Variants in ANKRD12 observed in about 807,000 individuals in gnomAD.
The protein encoded by ANKRD12 is ankyrin repeat domain-containing protein 12.
Under a neutral mutation model 183.4 loss-of-function variants are expected in ANKRD12, and 85 were observed. The ratio of observed to expected loss-of-function variants is 0.46; its 90% CI spans 0.39 to 0.56. The LOEUF is 0.56. ANKRD12 is among the 20% of genes least tolerant of loss of function. The pLI is 0.00. For synonymous variants in ANKRD12, 914 were observed against 800.2 expected (o/e 1.14, Z -2.40); for missense variants, 2,405 against 2,357.1 (o/e 1.02, Z -0.42).
At chr18:9,168,362 A>G (rs1347575713) in intron 1 of ANKRD12, among the ~76,000 whole-genome samples, 4 of 151,978 alleles carry the variant, frequency 2.6e-5, no homozygotes, top group Non-Finnish European at 4.4e-5. Flanking sequence ...ACTTTTTTTC[A>G]TTGGTAAGCT....
At chr18:9,250,340 C>T (rs2038216819) in intron 8 of ANKRD12, 1 of 152,120 alleles carries the variant, frequency 6.6e-6, no homozygotes, top group Admixed American at 6.5e-5. Flanking sequence ...TAGTGCTGGT[C>T]ACGTTGTTTA....
intron 11 of ANKRD12, among the ~76,000 whole-genome samples, 154 bp downstream of exon 11, chr18:9,275,821 C>G (rs2039805158): frequency 6.6e-6 from 1 of 152,196 alleles, no homozygotes; most frequent in South Asian, 2.1e-4. Context: ...ACTTCCAGAT[C>G]AACTGGTCCT....
intron 1 of ANKRD12, among the ~76,000 whole-genome samples, chr18:9,150,174 A>G (rs541349948): frequency 5.3e-4 from 80 of 152,202 alleles, no homozygotes; most frequent in Admixed American, 9.2e-4. Flanking sequence ...TAGCAGCACC[A>G]ATAAAAAATG....
chr18:9,170,756 G>T (rs952924877), intron 1 of ANKRD12, among the ~76,000 whole-genome samples: 1 of 152,154 alleles, frequency 6.6e-6, no homozygotes, highest in Admixed American at 6.5e-5. Flanking sequence ...GAGGAGCTGC[G>T]TTCCTTTGGA....
chr18:9,188,338 G>A (rs546550803), intron 2 of ANKRD12, among the ~76,000 whole-genome samples: 25 of 152,326 alleles, frequency 1.6e-4, no homozygotes, highest in Admixed American at 1.6e-3. Flanking sequence ...ACACTGGACA[G>A]CAAACAGGTA....
At chr18:9,249,899 GTGTGT>G (rs1255394934) in intron 8 of ANKRD12, among the ~76,000 whole-genome samples, 1 of 152,200 alleles carries the variant, frequency 6.6e-6, no homozygotes, top group Non-Finnish European at 1.5e-5. Flanking sequence ...TATGGCTAAT[GTGTGT>G]AGCAAGAAGC....
chr18:9,167,160 A>G (rs1481055987), intron 1 of ANKRD12, among the ~76,000 whole-genome samples: 1 of 152,200 alleles, frequency 6.6e-6, no homozygotes, highest in Non-Finnish European at 1.5e-5. Context: ...TGATACCTCC[A>G]GCTTTGTTCT....
chr18:9,268,371 A>C (rs2039418471), intron 10 of ANKRD12, among the ~76,000 whole-genome samples: 1 of 152,270 alleles, frequency 6.6e-6, no homozygotes, highest in African/African-American at 2.4e-5. Context: ...AAAAATCCTC[A>C]ATAAAATACT....
At chr18:9,137,474 T>TCGGACCCGCGGGGG (rs2078151308) in intron 1 of ANKRD12, 1 of 145,774 alleles carries the variant, frequency 6.9e-6, no homozygotes, top group African/African-American at 2.5e-5. Context: ...CGTGCGGCGG[T>TCGGACCCGCGGGGG]CGGACCCGCG....
At chr18:9,211,447 A>G in intron 5 of ANKRD12, 137 bp from the exon 6 acceptor site, 1 of 716,856 alleles carries the variant, frequency 1.4e-6, no homozygotes, top group East Asian at 2.7e-5. Context: ...CGGATCATCC[A>G]AGTCAAGGTT....
intron 9 of ANKRD12, chr18:9,259,394 TATGTGTTTA>T (rs1567986426): frequency 8.6e-4 from 129 of 150,238 alleles, no homozygotes; most frequent in Middle Eastern, 6.9e-3. Flanking sequence ...TAAACACATT[TATGTGTTTA>T]ACATAGACAC....
intron 7 of ANKRD12, among the ~76,000 whole-genome samples, chr18:9,220,205 A>C (rs1021832314): frequency 6.6e-6 from 1 of 152,198 alleles, no homozygotes. Context: ...TGGTAAATGC[A>C]GTTAATATTC....
At chr18:9,154,348 A>G (rs1187496285) in intron 1 of ANKRD12, among the ~76,000 whole-genome samples, 1 of 152,022 alleles carries the variant, frequency 6.6e-6, no homozygotes, top group Admixed American at 6.6e-5. Context: ...ATCACTTGAG[A>G]CTGCAGTGCA....
chr18:9,281,283 ATG>A lies in ANKRD12; in HGVS notation c.*158_*159del. 1 of 547,610 alleles carries A rather than the reference ATG, an allele frequency of 1.8e-6. No homozygotes were observed. Among genetic ancestry groups the A allele is most frequent in the Non-Finnish European group, 3.1e-6 (1 of 324,696 alleles). The allele number at this position is 547,610 out of a possible 1,614,324, so 33.9% of individuals were successfully genotyped here. ...AGTAAACACTGTCATTTTATAAAAA[ATG>A]AGAATTATTTTGGATCTTAGATCCA... is the stretch of plus-strand genomic sequence containing the variant. On this transcript the variant is annotated 3_prime_UTR_variant, in exon 13 of 13. Coordinates refer to ENST00000262126, the MANE Select transcript of ANKRD12 (RefSeq NM_015208.5).
chr18:9,170,682 TCTTCTGAAGC>T (rs2032615991), intron 1 of ANKRD12, among the ~76,000 whole-genome samples: 1 of 152,200 alleles, frequency 6.6e-6, no homozygotes, highest in South Asian at 2.1e-4. Flanking sequence ...AGTAGTTTGA[TCTTCTGAAGC>T]CTTCTCTCAA....
At chr18:9,218,449 C>T (rs1326045876) in intron 7 of ANKRD12, among the ~76,000 whole-genome samples, 1 of 152,190 alleles carries the variant, frequency 6.6e-6, no homozygotes, top group African/African-American at 2.4e-5. Flanking sequence ...AATGTGTATT[C>T]TGAGCCACTC....
At chr18:9,165,870 CT>C (rs1362415318) in intron 1 of ANKRD12, among the ~76,000 whole-genome samples, 262 of 129,830 alleles carry the variant, frequency 2.0e-3, no homozygotes, top group Admixed American at 9.5e-3. Context: ...CCCTCCCCCC[CT>C]CCCCCCACCC....
Position 9,195,611 on chromosome 18 carries a change from A to G in ANKRD12, c.148A>G (p.Lys50Glu). ...TPKIERSDVS[K>E]EMKEKSSMKR... ...AAAAATTGAACGAAGTGATGTGAGC[A>G]AGGAGATGAAAGAGAAATCATCCAT... Residue 50 changes from lysine to glutamate, a missense_variant, in exon 3 of 13, where the codon AAG becomes GAG. Coordinates refer to ENST00000262126, the MANE Select transcript of ANKRD12 (RefSeq NM_015208.5). 1 of 1,613,010 alleles carries G rather than the reference A, an allele frequency of 6.2e-7. No individual in the cohort carries two copies. Among genetic ancestry groups the G allele is most frequent in the Non-Finnish European group, 8.5e-7 (1 of 1,179,502 alleles).
intron 1 of ANKRD12, among the ~76,000 whole-genome samples, chr18:9,144,539 A>G (rs918965418): frequency 2.0e-5 from 3 of 152,212 alleles, no homozygotes; most frequent in African/African-American, 7.2e-5. Context: ...TCTTTTGAGC[A>G]TAAGGGGAAA....
Sources: gnomAD v4.1 joint callset for allele counts (sites outside exome capture counted in the v4.1 genomes callset) on GRCh38, gnomAD v4.1.1 for gene constraint, MANE v1.5 for transcripts, NCBI Gene and HGNC (gene_info 2026-07-23, HGNC 2026-07-21) for gene names.